Variants in CD47 observed in about 807,000 individuals in gnomAD.
The protein encoded by CD47 is CD47 molecule, also known as leukocyte surface antigen CD47.
CD47 carries 11 observed loss-of-function variants against 44.6 expected under a neutral mutation model. The ratio of observed to expected loss-of-function variants is 0.25; its 90% CI spans 0.16 to 0.41. The LOEUF is 0.41. Ranked by LOEUF, CD47 falls within the 10% of genes least tolerant of loss-of-function variation. CD47 has a pLI of 1.00. For missense variants in CD47, 306 were observed against 386.7 expected (o/e 0.79, Z 1.75); for synonymous variants, 140 against 136.3 (o/e 1.03, Z -0.19).
At chr3:108,050,950 C>A in intron 8 of CD47, 1 of 272,094 alleles carries the variant, frequency 3.7e-6, no homozygotes, top group Non-Finnish European at 7.4e-6. Flanking sequence ...GAGGTGGAAG[C>A]AAAACAGAAT....
Position 108,059,565 on chromosome 3 carries a change from T to G in CD47, c.599-21A>C, listed in dbSNP as rs763652454. 1.1e-5 allele frequency: 13 copies of G among 1,212,894 alleles called. No individual in the cohort carries two copies. In the African/African-American group the frequency reaches 1.9e-4, roughly 18 times the overall value. 75.1% of individuals were successfully genotyped at this position (1,212,894 alleles called of 1,614,324 possible). A position where few individuals can be genotyped will look rare whatever the true frequency, so the allele number is the denominator to read the frequency against. On this transcript the variant is annotated intron_variant, in intron 4 of 10. Coordinates refer to ENST00000361309, the MANE Select transcript of CD47 (RefSeq NM_001777.4). ...TTCACCTGTCAATAAATAAAAACAT[T>G]TAAAATATTTTCCTACATACTTTTT...
rs1488782538 is a variant in CD47, at chr3:108,052,208, C to A, written c.878-238G>T. ...ACATCAAATAGTAAACACATTCTCT[C>A]ATTTGTTTATGCCATCTTTCCCCCA... is the stretch of plus-strand genomic sequence containing the variant. On this transcript the variant is annotated intron_variant, in intron 7 of 10. Transcript: ENST00000361309. The A allele has an allele frequency of 9.2e-6, 3 of 326,096 alleles. No homozygotes were observed. The East Asian group carries it at 2.2e-4, about 24-fold the overall frequency. The allele number at this position is 326,096 out of a possible 1,614,324, so 20.2% of individuals were successfully genotyped here.
intron 3 of CD47, among the ~76,000 whole-genome samples, chr3:108,068,755 C>T (rs1423964959): frequency 6.6e-6 from 1 of 152,132 alleles, no homozygotes; most frequent in East Asian, 1.9e-4. Context: ...GTACTTTGCA[C>T]AGAACCTGTC....
chr3:108,047,914 T>TA (rs2078747435), intron 10 of CD47, among the ~76,000 whole-genome samples: 1 of 152,302 alleles, frequency 6.6e-6, no homozygotes, highest in Middle Eastern at 3.4e-3. Flanking sequence ...TGCAGTAGTT[T>TA]AAAAAAGTCA....
intron 3 of CD47, among the ~76,000 whole-genome samples, chr3:108,065,589 G>A (rs1037454470): frequency 6.6e-6 from 1 of 151,924 alleles, no homozygotes; most frequent in Non-Finnish European, 1.5e-5. Flanking sequence ...GAGACAGACG[G>A]ATCACGAGGT....
intron 5 of CD47, 41 bp from the exon 6 acceptor site, chr3:108,058,470 T>C: frequency 1.5e-6 from 2 of 1,378,346 alleles, no homozygotes; most frequent in Non-Finnish European, 2.0e-6. Context: ...ATGTCAAGAG[T>C]ATTTAAAAAG....
intron 3 of CD47, among the ~76,000 whole-genome samples, chr3:108,069,842 A>G (rs1171513470): frequency 1.2e-4 from 18 of 152,188 alleles, no homozygotes; most frequent in Admixed American, 1.1e-3. Context: ...TTTCCCTAAT[A>G]TCATTGATGC....
chr3:108,058,655 G>A (rs1336655378), intron 5 of CD47, among the ~76,000 whole-genome samples: 1 of 152,166 alleles, frequency 6.6e-6, no homozygotes, highest in East Asian at 1.9e-4. Flanking sequence ...AGCTAAGCTG[G>A]ACTGGAAGTT....
Position 108,079,909 on chromosome 3 carries a change from C to T in CD47, c.400+82G>A, listed in dbSNP as rs943910097. The T allele has an allele frequency of 5.2e-5, 41 of 787,050 alleles. No homozygotes were observed. The East Asian group carries it at 6.6e-4, about 13-fold the overall frequency. 48.8% of individuals were successfully genotyped at this position (787,050 alleles called of 1,614,324 possible). On this transcript the variant is annotated intron_variant, in intron 2 of 10. Transcript: ENST00000361309. The stretch of plus-strand genomic sequence containing the variant: ...CCTGCTTTTTGATTCAAAGGAGTAC[C>T]TATCCCCATTTGGCCTCCTCTCGAA...
chr3:108,089,271 G>T (rs781312503), intron 1 of CD47, among the ~76,000 whole-genome samples: 8 of 151,914 alleles, frequency 5.3e-5, no homozygotes, highest in Non-Finnish European at 1.0e-4. Context: ...TGAATTCGAT[G>T]ACTCTAGGGA....
At chr3:108,086,128 A>G (rs139129207) in intron 1 of CD47, among the ~76,000 whole-genome samples, 50 of 152,132 alleles carry the variant, frequency 3.3e-4, no homozygotes, top group African/African-American at 1.1e-3. Context: ...AGAATTATTT[A>G]GGTGAGCTCT....
intron 8 of CD47, 101 bp downstream of exon 8, chr3:108,051,838 G>T: frequency 1.1e-6 from 1 of 879,468 alleles, no homozygotes; most frequent in Non-Finnish European, 1.9e-6. Flanking sequence ...CTCTTAATTT[G>T]ACGTGAGACA....
chr3:108,050,727 A>G (rs1157021667), intron 8 of CD47, 125 bp from the exon 9 acceptor site: 1 of 498,748 alleles, frequency 2.0e-6, no homozygotes, highest in Non-Finnish European at 3.6e-6. Context: ...TCAAAAAAAA[A>G]AGAAAAAACA....
Position 108,090,972 on chromosome 3 carries a change from C to T in CD47, c.-64G>A, listed in dbSNP as rs528449693. On this transcript the variant is annotated 5_prime_UTR_variant, in exon 1 of 11. Transcript: ENST00000361309. ...TGTCCGGAGCAGCAGCCGCCGCCGCCGTTACAGGCAGGACCGACCGCCGCC... is the reference window on the plus strand; with the variant it reads ...TGTCCGGAGCAGCAGCCGCCGCCGCTGTTACAGGCAGGACCGACCGCCGCC... The T allele has an allele frequency of 4.7e-6, 6 of 1,267,560 alleles. No individual in the cohort carries two copies. The East Asian group carries it at 9.6e-5, about 20-fold the overall frequency. The allele number at this position is 1,267,560 out of a possible 1,614,324, so 78.5% of individuals were successfully genotyped here.
At chr3:108,089,093 A>G (rs1378188503) in intron 1 of CD47, among the ~76,000 whole-genome samples, 3 of 152,232 alleles carry the variant, frequency 2.0e-5, no homozygotes, top group African/African-American at 7.2e-5. Flanking sequence ...ATCTTTCTTC[A>G]TACATGTCCT....
intron 1 of CD47, among the ~76,000 whole-genome samples, chr3:108,087,881 G>T (rs1405395275): frequency 6.6e-6 from 1 of 152,076 alleles, no homozygotes. Context: ...CTTAGTCTAG[G>T]TATATCAGAA....
chr3:108,076,096 G>A (rs932337656), intron 2 of CD47, among the ~76,000 whole-genome samples: 20 of 152,198 alleles, frequency 1.3e-4, no homozygotes, highest in African/African-American at 4.8e-4. Flanking sequence ...GCAACACCTT[G>A]ATTTTAGTCT....
intron 1 of CD47, among the ~76,000 whole-genome samples, chr3:108,085,171 C>T (rs1187485363): frequency 6.6e-6 from 1 of 152,062 alleles, no homozygotes; most frequent in Non-Finnish European, 1.5e-5. Flanking sequence ...TATGCAAATG[C>T]ACTCTCATCC....
intron 2 of CD47, among the ~76,000 whole-genome samples, chr3:108,078,013 A>G (rs1232173173): frequency 6.6e-6 from 1 of 152,056 alleles, no homozygotes; most frequent in Non-Finnish European, 1.5e-5. Flanking sequence ...ACGTGATAAA[A>G]TGAGAGCGAA....
Sources: allele counts gnomAD v4.1 joint callset (sites outside exome capture counted in the v4.1 genomes callset), GRCh38; gene constraint gnomAD v4.1.1; transcripts MANE v1.5; gene names NCBI Gene and HGNC (gene_info 2026-07-23, HGNC 2026-07-21).